Variants in GRM5 observed in about 807,000 individuals in gnomAD.
The protein encoded by GRM5 is metabotropic glutamate receptor 5.
A neutral mutation model predicts 83.1 loss-of-function variants in GRM5; 19 were observed. The ratio of observed to expected loss-of-function variants is 0.23; its 90% CI spans 0.16 to 0.34. The LOEUF is 0.34. Among genes scored for constraint, GRM5 ranks in the 10% least tolerant of loss-of-function variants. The probability of loss-of-function intolerance (pLI) is 1.00; values close to 1 mark genes in which losing one functional copy is unlikely to be tolerated. For synonymous variants in GRM5, 675 were observed against 633.6 expected (o/e 1.07, Z -0.98); for missense variants, 1,160 against 1,588.3 (o/e 0.73, Z 4.58).
intron 2 of GRM5, among the ~76,000 whole-genome samples, chr11:88,898,936 A>G (rs1316701833): frequency 6.6e-6 from 1 of 152,000 alleles, no homozygotes; most frequent in Admixed American, 6.6e-5. Context: ...ACTACAGCTT[A>G]CCAAAAATGC....
intron 2 of GRM5, among the ~76,000 whole-genome samples, chr11:88,902,511 T>C (rs1487918019): frequency 6.6e-6 from 1 of 152,164 alleles, no homozygotes; most frequent in African/African-American, 2.4e-5. Flanking sequence ...AATGTACTTA[T>C]TCATTCAGAA....
intron 1 of GRM5, among the ~76,000 whole-genome samples, chr11:89,065,123 C>T (rs1182046525): frequency 2.6e-5 from 4 of 151,512 alleles, no homozygotes; most frequent in Admixed American, 6.6e-5. Context: ...CTTTTAGAAA[C>T]GGAAACTGAC....
At chr11:88,675,379 A>G (rs1940301869) in intron 3 of GRM5, among the ~76,000 whole-genome samples, 1 of 151,970 alleles carries the variant, frequency 6.6e-6, no homozygotes, top group Admixed American at 6.6e-5. Flanking sequence ...AAGAAAGACT[A>G]TTATAAGAAG....
intron 2 of GRM5, among the ~76,000 whole-genome samples, chr11:89,040,707 T>C (rs1280588657): frequency 7.6e-6 from 1 of 131,754 alleles, no homozygotes; most frequent in Non-Finnish European, 1.7e-5. Flanking sequence ...TCTCAAAGAA[T>C]AAAAAAGAGA....
chr11:88,839,572 T>C (rs1315637967), intron 3 of GRM5, among the ~76,000 whole-genome samples: 2 of 152,232 alleles, frequency 1.3e-5, no homozygotes, highest in East Asian at 1.9e-4. Context: ...CTTTTCACTA[T>C]ACATTTTGTT....
At chr11:88,799,915 G>C (rs1018452559) in intron 3 of GRM5, among the ~76,000 whole-genome samples, 2 of 152,058 alleles carry the variant, frequency 1.3e-5, no homozygotes, top group African/African-American at 4.8e-5. Context: ...TTTGATCCCA[G>C]ACTTCCTGGC....
chr11:88,790,248 T>C (rs1244379459), intron 3 of GRM5, among the ~76,000 whole-genome samples: 2 of 152,210 alleles, frequency 1.3e-5, no homozygotes, highest in African/African-American at 4.8e-5. Context: ...TACCCATTAA[T>C]TCATTCATAA....
At chr11:88,701,711 A>G (rs949525032) in intron 3 of GRM5, among the ~76,000 whole-genome samples, 2 of 152,116 alleles carry the variant, frequency 1.3e-5, no homozygotes. Context: ...AAGGTAGAAC[A>G]TCTTGAAGCA....
chr11:88,533,365 A>G (rs1942059789), intron 8 of GRM5, among the ~76,000 whole-genome samples: 1 of 152,042 alleles, frequency 6.6e-6, no homozygotes, highest in African/African-American at 2.4e-5. Flanking sequence ...AATATCCTCA[A>G]AGCTTACTTC....
At chr11:89,013,522 T>A (rs1474015687) in intron 2 of GRM5, among the ~76,000 whole-genome samples, 1 of 152,182 alleles carries the variant, frequency 6.6e-6, no homozygotes, top group African/African-American at 2.4e-5. Flanking sequence ...CAATACAAAT[T>A]CAGGCGTCAA....
chr11:88,650,929 C>G (rs762560035), intron 4 of GRM5, among the ~76,000 whole-genome samples: 3 of 151,910 alleles, frequency 2.0e-5, no homozygotes, highest in Non-Finnish European at 4.4e-5. Context: ...TTATACATCT[C>G]TCATTAAGAA....
chr11:88,718,668 G>A (rs1266148643), intron 3 of GRM5, among the ~76,000 whole-genome samples: 1 of 151,798 alleles, frequency 6.6e-6, no homozygotes, highest in Non-Finnish European at 1.5e-5. Context: ...ATTCCTCATA[G>A]GCTCAGTTCA....
rs982080220 is a variant in GRM5 at position 89,052,497 on chromosome 11, G to A, written c.-200-4425C>T. Among the ~76,000 whole-genome samples the A allele has an allele frequency of 9.2e-5, 14 of 152,186 alleles. 1 individual carries two copies. Among genetic ancestry groups the A allele is most frequent in the African/African-American group, 2.2e-4 (9 of 41,534 alleles). The stretch of plus-strand genomic sequence containing the variant: ...ATATATTTCAGAGAAAAACGTATCC[G>A]ATTCACATGGAAGATACTATATTCC... On this transcript the variant is annotated intron_variant, in intron 1 of 9. Coordinates refer to ENST00000305447, the MANE Select transcript of GRM5 (RefSeq NM_001143831.3).
At chr11:88,714,999 C>T (rs1248404551) in intron 3 of GRM5, among the ~76,000 whole-genome samples, 3 of 151,948 alleles carry the variant, frequency 2.0e-5, no homozygotes, top group South Asian at 2.1e-4. Flanking sequence ...GGGGTCTGTA[C>T]ATCACTTGAT....
chr11:88,739,555 T>C (rs1367697962), intron 3 of GRM5, among the ~76,000 whole-genome samples: 1 of 152,096 alleles, frequency 6.6e-6, no homozygotes. Context: ...TCGTCTTGAA[T>C]TGTAATTCCC....
At chr11:88,617,690 C>G (rs555941515) in intron 4 of GRM5, among the ~76,000 whole-genome samples, 6 of 152,172 alleles carry the variant, frequency 3.9e-5, no homozygotes, top group Non-Finnish European at 8.8e-5. Context: ...GATGGAAACC[C>G]TTCTCTGTGA....
Position 89,047,801 on chromosome 11 carries a change from C to T in GRM5, c.72G>A (p.Glu24=), listed in dbSNP as rs1166935478. Residue 24 remains glutamate, a synonymous_variant, in exon 2 of 10, where the codon GAG becomes GAA. Coordinates refer to ENST00000305447, the MANE Select transcript of GRM5 (RefSeq NM_001143831.3). The surrounding 1 kb of genome is among the most constrained non-coding windows in gnomAD (Gnocchi z 5.1). ...EDVRGSAQSS[E]RRVVAHMPGD... is the part of the protein sequence containing the mutation. ...CCGGCATGTGAGCCACCACCCTCCT[C>T]TCACTGGACTGTGCACTCCCACGGA... The T allele has an allele frequency of 6.2e-7, 1 of 1,613,676 alleles. No individual in the cohort carries two copies. Among genetic ancestry groups the T allele is most frequent in the Non-Finnish European group, 8.5e-7 (1 of 1,179,704 alleles).
At chr11:89,058,080 C>T (rs1442116377) in intron 1 of GRM5, among the ~76,000 whole-genome samples, 2 of 151,804 alleles carry the variant, frequency 1.3e-5, no homozygotes, top group African/African-American at 4.8e-5. Flanking sequence ...GAGGTCTCCC[C>T]ACAAAAAAAA....
At chr11:88,618,897 A>T (rs950270273) in intron 4 of GRM5, among the ~76,000 whole-genome samples, 3 of 152,160 alleles carry the variant, frequency 2.0e-5, no homozygotes, top group African/African-American at 4.8e-5. Flanking sequence ...GTTCTGTACT[A>T]AGCCGACTTG....
Sources: allele counts gnomAD v4.1 joint callset (sites outside exome capture counted in the v4.1 genomes callset), GRCh38; gene constraint gnomAD v4.1.1; non-coding constraint Gnocchi (gnomAD v3.1); transcripts MANE v1.5; gene names NCBI Gene and HGNC (gene_info 2026-07-23, HGNC 2026-07-21).